Variants in LCA5L observed in about 807,000 individuals in gnomAD.
LCA5L encodes lebercilin-like protein.
Under a neutral mutation model 45.4 loss-of-function variants are expected in LCA5L, and 35 were observed. The observed-to-expected ratio is 0.77, with a 90% CI of 0.59 to 1.02. The LOEUF is 1.02. Among genes scored for constraint, LCA5L ranks in the 50% least tolerant of loss-of-function variants. The pLI, the probability that LCA5L is intolerant of heterozygous loss-of-function variation, is 0.00. For synonymous variants in LCA5L, 233 were observed against 264.7 expected, an observed-to-expected ratio of 0.88 and a Z score of 1.16; for missense variants, 668 against 761.6, an observed-to-expected ratio of 0.88 and a Z score of 1.45.
chr21:39,428,311 T>TAA lies in LCA5L; in HGVS notation c.181_182dup (p.Leu61PhefsTer2). 6.2e-7 allele frequency: 1 copy of TAA among 1,613,376 alleles called. No individual in the cohort carries two copies. The highest frequency in any genetic ancestry group is 8.5e-7 in the Non-Finnish European group (1 of 1,179,570). ...CTTCTGAATAATCATACTGAGAACT[T>TAA]AAACTTCCACAGGAGCACTGAGATC... is the stretch of plus-strand genomic sequence containing the variant. On this transcript the variant is annotated frameshift_variant, in exon 5 of 11. Transcript: ENST00000288350. LOFTEE classifies it high-confidence loss of function.
chr21:39,414,736 C>CTGTGTGTGTGTGTGTG (rs1445537335), intron 7 of LCA5L, among the ~76,000 whole-genome samples: 1 of 92,210 alleles, frequency 1.1e-5, no homozygotes, highest in Non-Finnish European at 2.2e-5. Flanking sequence ...CTCTCTCTCT[C>CTGTGTGTGTGTGTGTG]TCTCTCTGTG....
chr21:39,410,260 G>A lies in LCA5L; in HGVS notation c.1164+4C>T, dbSNP rs1425382225. 6.4e-7 allele frequency: 1 copy of A among 1,574,178 alleles called. No homozygotes were observed. On this transcript the variant is annotated splice_donor_region_variant and intron_variant, in intron 9 of 10. Transcript: ENST00000288350. ...GACACTGCAAGATTCCAAATTTGCTGTACCTTAGTTGTCAAAGGTGGAACA... is the reference window on the plus strand; with the variant it reads ...GACACTGCAAGATTCCAAATTTGCTATACCTTAGTTGTCAAAGGTGGAACA...
In LCA5L at chr21:39,406,185, A is replaced by G. The variant is rs2147054924; in HGVS notation, c.1710T>C (p.Ser570=). The G allele has an allele frequency of 1.2e-6, 2 of 1,614,254 alleles. No individual in the cohort carries two copies. Among genetic ancestry groups the G allele is most frequent in the Non-Finnish European group, 1.7e-6 (2 of 1,180,040 alleles). Residue 570 remains serine (S), a synonymous_variant, in exon 11 of 11, where the codon TCT becomes TCC. Transcript: ENST00000288350. ...SNREEMELEH[S]DSGYEPSFGK... is the part of the protein sequence containing the mutation. ...CAAATGAGGGCTCATACCCACTGTC[A>G]GAATGCTCTAGCTCCATTTCCTCTC...
chr21:39,441,856 T>A (rs1243185565), intron 2 of LCA5L, among the ~76,000 whole-genome samples: 1 of 152,232 alleles, frequency 6.6e-6, no homozygotes, highest in Non-Finnish European at 1.5e-5. Context: ...AGAATTGTAT[T>A]AAAACACACG....
chr21:39,430,473 A>G (rs1431073449), intron 3 of LCA5L, among the ~76,000 whole-genome samples: 3 of 152,164 alleles, frequency 2.0e-5, no homozygotes, highest in Non-Finnish European at 4.4e-5. Context: ...GGTGATGGAC[A>G]ATTTGAAGGC....
chr21:39,410,493 A>G, intron 8 of LCA5L, 126 bp from the exon 9 acceptor site: 1 of 554,506 alleles, frequency 1.8e-6, no homozygotes, highest in Non-Finnish European at 3.1e-6. Context: ...TAAATATTCA[A>G]TATATATATA....
intron 1 of LCA5L, among the ~76,000 whole-genome samples, chr21:39,445,213 CACAG>C (rs66495232): frequency 0.51 from 77,939 of 151,670 alleles, 20,421 homozygotes; most frequent in East Asian, 0.67. Context: ...GGGGGACAAA[CACAG>C]ACAGAGAAGA....
chr21:39,435,148 T>C (rs1202396863), intron 3 of LCA5L, among the ~76,000 whole-genome samples: 2 of 152,214 alleles, frequency 1.3e-5, no homozygotes, highest in African/African-American at 4.8e-5. Flanking sequence ...CAATGAGTAA[T>C]TATAAACACT....
intron 3 of LCA5L, among the ~76,000 whole-genome samples, chr21:39,432,689 C>G (rs1431567714): frequency 6.6e-6 from 1 of 152,154 alleles, no homozygotes. Flanking sequence ...CACTCCCAAC[C>G]CAGGCAAACC....
intron 10 of LCA5L, among the ~76,000 whole-genome samples, chr21:39,408,862 G>C (rs1043394550): frequency 1.3e-5 from 2 of 152,180 alleles, no homozygotes; most frequent in Admixed American, 1.3e-4. Flanking sequence ...GCTGAAGCTG[G>C]GGTCCTTTTT....
At chr21:39,416,942 C>T (rs2041285600) in intron 7 of LCA5L, among the ~76,000 whole-genome samples, 1 of 152,216 alleles carries the variant, frequency 6.6e-6, no homozygotes, top group South Asian at 2.1e-4. Context: ...TCAGCGTTCC[C>T]TGTCTGCAGG....
intron 7 of LCA5L, among the ~76,000 whole-genome samples, chr21:39,420,500 G>A (rs1480867587): frequency 1.8e-5 from 2 of 109,620 alleles, no homozygotes; most frequent in African/African-American, 7.3e-5. Flanking sequence ...TCCAGCCTGG[G>A]TGACAGAGCA....
chr21:39,412,485 G>T (rs1448645270), intron 7 of LCA5L, among the ~76,000 whole-genome samples: 1 of 152,216 alleles, frequency 6.6e-6, no homozygotes, highest in African/African-American at 2.4e-5. Context: ...AGGCAAGAAA[G>T]GCTTTGGACT....
At chr21:39,413,799 C>T (rs904625873) in intron 7 of LCA5L, 1 of 152,212 alleles carries the variant, frequency 6.6e-6, no homozygotes. Flanking sequence ...GAAACATTTT[C>T]ATGTTTACAG....
In LCA5L at chr21:39,423,372, C is replaced by G. The variant is rs771872757; in HGVS notation, c.441G>C (p.Arg147Ser). 5 of 1,612,308 alleles carry G rather than the reference C, an allele frequency of 3.1e-6. 1 individual carries two copies. In the South Asian group the frequency reaches 3.3e-5, roughly 11 times the overall value. ...DAMAHRILSA[R>S]LHKIKGLKNE... ...TTTTTAGTCCTTTAATTTTATGAAG[C>G]CTTGCTGAGAGTATTCGATGAGCCA... Residue 147 changes from arginine to serine, a missense_variant, in exon 6 of 11, where the codon AGG becomes AGC. Transcript: ENST00000288350.
In LCA5L at chr21:39,406,268, G is replaced by A; in HGVS notation, c.1627C>T (p.Pro543Ser). The change falls in exon 11 of 11, where the codon CCA (proline) becomes TCA (serine). Residue 543 changes from proline (P) to serine (S), a missense_variant. Physicochemically the swap from Pro to Ser is moderately conservative, Grantham distance 74. Transcript: ENST00000288350. ...LHHGLPASGG[P>S]ANAGNMRYSH... is the part of the protein sequence containing the mutation. Reference sequence around the variant, plus strand: ...TACCTCATGTTGCCGGCATTGGCTGGCCCCCCTGAAGCAGGAAGCCCATGA... The same window carrying A: ...TACCTCATGTTGCCGGCATTGGCTGACCCCCCTGAAGCAGGAAGCCCATGA... The A allele has an allele frequency of 6.2e-7, 1 of 1,614,162 alleles. No homozygotes were observed. Among genetic ancestry groups the A allele is most frequent in the Non-Finnish European group, 8.5e-7 (1 of 1,180,034 alleles).
chr21:39,428,969 A>G (rs1270696907), intron 4 of LCA5L, among the ~76,000 whole-genome samples, 162 bp downstream of exon 4: 1 of 152,072 alleles, frequency 6.6e-6, no homozygotes, highest in Non-Finnish European at 1.5e-5. Context: ...TAAAGTGATA[A>G]TTTAAAATGG....
chr21:39,411,797 CT>C lies in LCA5L; in HGVS notation c.980del (p.Lys327ArgfsTer46). ...TGTTTTTAATTTCAAGCTCACGATCCTTTTCCTAAAAAGAACCACAAAACCA... is the reference window on the plus strand; with the variant it reads ...TGTTTTTAATTTCAAGCTCACGATCCTTTCCTAAAAAGAACCACAAAACCA... The part of the protein sequence containing the change: ...VKHLQQKLKE[K>X]DRELEIKNIY... On this transcript the variant is annotated frameshift_variant, in exon 8 of 11. Transcript: ENST00000288350. LOFTEE classifies it high-confidence loss of function. 2.5e-6 allele frequency: 4 copies of C among 1,573,068 alleles called. No homozygotes were observed. The highest frequency in any genetic ancestry group is 2.2e-5 in the East Asian group (1 of 44,520).
chr21:39,426,014 T>G (rs1448845461), intron 5 of LCA5L: 1 of 152,302 alleles, frequency 6.6e-6, no homozygotes, highest in African/African-American at 2.4e-5. Flanking sequence ...TTAAAGATCA[T>G]ATGGCTTGGA....
Sources: allele counts gnomAD v4.1 joint callset (sites outside exome capture counted in the v4.1 genomes callset), GRCh38; gene constraint gnomAD v4.1.1; transcripts MANE v1.5; gene names NCBI Gene and HGNC (gene_info 2026-07-23, HGNC 2026-07-21).